STEAP2: variants seen among roughly 807,000 people sequenced by gnomAD.
STEAP2 encodes the protein metalloreductase STEAP2.
In STEAP2, 30 loss-of-function variants were observed where a neutral mutation model predicts 46.4. The observed-to-expected ratio is 0.65, with a 90% CI of 0.48 to 0.88. The LOEUF is 0.88. Among genes scored for constraint, STEAP2 ranks in the 40% least tolerant of loss-of-function variants. The pLI is 0.00. For missense variants in STEAP2, 513 were observed against 579.3 expected (o/e 0.89, Z 1.18); for synonymous variants, 180 against 200.5 (o/e 0.90, Z 0.86).
Position 90,232,079 on chromosome 7 carries a change from AAGT to A in STEAP2, c.1186-253_1186-251del, listed in dbSNP as rs544072300. ...GAAAATGTTCTTGATAAAATAAATG[AAGT>A]AGTAAGAATATTAAACTGTATGCAG... On this transcript the variant is annotated intron_variant, in intron 5 of 5. Coordinates refer to ENST00000394621, the MANE Select transcript of STEAP2 (RefSeq NM_001244944.2). 5.9e-3 allele frequency among the ~76,000 whole-genome samples: 892 copies of A among 152,088 alleles called. 10 individuals carry two copies. The highest frequency in any genetic ancestry group is 0.02 in the African/African-American group (843 of 41,542).
In STEAP2 at chr7:90,235,241, G is replaced by T. The variant is rs1192373639; in HGVS notation, c.*2617G>T. 3 of 983,628 alleles carry T rather than the reference G, an allele frequency of 3.0e-6. No individual in the cohort carries two copies. The Admixed American group carries it at 1.8e-4, about 61-fold the overall frequency. 60.9% of individuals were successfully genotyped at this position (983,628 alleles called of 1,614,324 possible). A position where few individuals can be genotyped will look rare whatever the true frequency, so the allele number is the denominator to read the frequency against. ...GTGAAAATGTATAAAAGATGCATCT[G>T]TTGTTTCAAATGGCACTATCTTCTT... is the stretch of plus-strand genomic sequence containing the variant. On this transcript the variant is annotated 3_prime_UTR_variant, in exon 6 of 6. Coordinates refer to ENST00000394621, the MANE Select transcript of STEAP2 (RefSeq NM_001244944.2).
chr7:90,231,473 A>G (rs1350194417), intron 5 of STEAP2, among the ~76,000 whole-genome samples: 2 of 151,982 alleles, frequency 1.3e-5, no homozygotes, highest in Non-Finnish European at 2.9e-5. Flanking sequence ...AGGCAGTTTT[A>G]TCATGTGAAC....
chr7:90,230,105 T>C (rs1795677458), intron 5 of STEAP2, 69 bp downstream of exon 5: 1 of 1,564,132 alleles, frequency 6.4e-7, no homozygotes, highest in Non-Finnish European at 8.6e-7. Context: ...AACTGCATTT[T>C]AAATATGTTC....
downstream of STEAP2, among the ~76,000 whole-genome samples, chr7:90,238,905 T>C (rs767168590): frequency 6.6e-6 from 1 of 152,212 alleles, no homozygotes; most frequent in Non-Finnish European, 1.5e-5. Flanking sequence ...CAGATTCACA[T>C]TGATCAAATG....
downstream of STEAP2, chr7:90,237,956 A>T: frequency 1.5e-6 from 1 of 645,618 alleles, no homozygotes; most frequent in Non-Finnish European, 2.8e-6. Flanking sequence ...ATCTAGTATA[A>T]TGTGATCTAT....
chr7:90,216,886 G>A (rs1204899832), intron 2 of STEAP2, among the ~76,000 whole-genome samples: 1 of 152,214 alleles, frequency 6.6e-6, no homozygotes, highest in African/African-American at 2.4e-5. Context: ...TTTAAAACTT[G>A]CCAGGTCATT....
chr7:90,235,675 G>A lies in STEAP2; in HGVS notation c.*3051G>A. 1.1e-6 allele frequency: 1 copy of A among 921,580 alleles called. No individual in the cohort carries two copies. The highest frequency in any genetic ancestry group is 1.3e-6 in the Non-Finnish European group (1 of 772,276). 57.1% of individuals were successfully genotyped at this position (921,580 alleles called of 1,614,324 possible). A position where few individuals can be genotyped will look rare whatever the true frequency, so the allele number is the denominator to read the frequency against. ...GGAAAATAACCATGAGCTGTATCAT[G>A]CTACTTAGCTTTTATGTAAATATTT... On this transcript the variant is annotated 3_prime_UTR_variant, in exon 6 of 6. Transcript: ENST00000394621.
chr7:90,234,909 C>T lies in STEAP2; in HGVS notation c.*2285C>T. On this transcript the variant is annotated 3_prime_UTR_variant, in exon 6 of 6. Coordinates refer to ENST00000394621, the MANE Select transcript of STEAP2 (RefSeq NM_001244944.2). ...TTTTCTTTATTTTAATAATATTTCT[C>T]CCCACTTGAGAATCACTTGTTAGTT... The T allele has an allele frequency of 1.0e-6, 1 of 985,008 alleles. No individual in the cohort carries two copies. The allele number at this position is 985,008 out of a possible 1,614,324, so 61.0% of individuals were successfully genotyped here.
In STEAP2 at chr7:90,233,565, T is replaced by C. The variant is rs1257190190; in HGVS notation, c.*941T>C. The C allele has an allele frequency of 1.0e-6, 1 of 970,192 alleles. No individual in the cohort carries two copies. Among genetic ancestry groups the C allele is most frequent in the Non-Finnish European group, 1.2e-6 (1 of 816,136 alleles). The allele number at this position is 970,192 out of a possible 1,614,324, so 60.1% of individuals were successfully genotyped here. A position where few individuals can be genotyped will look rare whatever the true frequency, so the allele number is the denominator to read the frequency against. ...GATTCTGATGTGCTAGGCATGGTTCTAAGTACTTTACTTGTATTATCCCAT... is the reference window on the plus strand; with the variant it reads ...GATTCTGATGTGCTAGGCATGGTTCCAAGTACTTTACTTGTATTATCCCAT... On this transcript the variant is annotated 3_prime_UTR_variant, in exon 6 of 6. Transcript: ENST00000394621.
In STEAP2 at chr7:90,233,434, A is replaced by G; in HGVS notation, c.*810A>G. The G allele has an allele frequency of 1.0e-6, 1 of 985,434 alleles. No homozygotes were observed. Among genetic ancestry groups the G allele is most frequent in the Non-Finnish European group, 1.2e-6 (1 of 829,942 alleles). The allele number at this position is 985,434 out of a possible 1,614,324, so 61.0% of individuals were successfully genotyped here. A position where few individuals can be genotyped will look rare whatever the true frequency, so the allele number is the denominator to read the frequency against. On this transcript the variant is annotated 3_prime_UTR_variant, in exon 6 of 6. Transcript: ENST00000394621. ...AACTGTATACTAGTTCCTACTTAGA[A>G]CAAAAGTATCAAGTTTGCACACAAG...
Position 90,233,218 on chromosome 7 carries a change from A to G in STEAP2, c.*594A>G. 2 of 951,020 alleles carry G rather than the reference A, an allele frequency of 2.1e-6. No homozygotes were observed. The highest frequency in any genetic ancestry group is 2.5e-6 in the Non-Finnish European group (2 of 798,744). 58.9% of individuals were successfully genotyped at this position (951,020 alleles called of 1,614,324 possible). ...GAGACACAAATTAAAAAGACAAATT[A>G]AACCTGAAATTATATTTAAAATATA... On this transcript the variant is annotated 3_prime_UTR_variant, in exon 6 of 6. Coordinates refer to ENST00000394621, the MANE Select transcript of STEAP2 (RefSeq NM_001244944.2).
intron 2 of STEAP2, among the ~76,000 whole-genome samples, chr7:90,222,984 G>A (rs980033855): frequency 3.9e-5 from 6 of 152,090 alleles, no homozygotes; most frequent in Non-Finnish European, 7.4e-5. Flanking sequence ...ACCCAATTTC[G>A]ACACTAATTC....
chr7:90,215,777 T>TTTTGTTTTTG (rs1258304141), intron 1 of STEAP2: 1 of 152,200 alleles, frequency 6.6e-6, no homozygotes, highest in Admixed American at 6.5e-5. Flanking sequence ...CATAGTTGTT[T>TTTTGTTTTTG]TTTGTTTTTG....
downstream of STEAP2, among the ~76,000 whole-genome samples, chr7:90,240,399 ATTCT>A (rs1420112850): frequency 6.6e-6 from 1 of 152,208 alleles, no homozygotes; most frequent in Non-Finnish European, 1.5e-5. This position sits in a 1 kb window ranked among gnomAD's most constrained non-coding sequence, Gnocchi z 4.1. Context: ...TGCTATAAAC[ATTCT>A]TTATTTAAAA....
chr7:90,240,108 C>CA (rs1326421703), downstream of STEAP2, among the ~76,000 whole-genome samples: 4 of 152,072 alleles, frequency 2.6e-5, no homozygotes, highest in East Asian at 7.7e-4. This position sits in a 1 kb window ranked among gnomAD's most constrained non-coding sequence, Gnocchi z 4.1. Flanking sequence ...CCCATCTCTA[C>CA]AAAAAACAAC....
At position 90,235,757 on chromosome 7, in the gene STEAP2, T is replaced by A. The variant is rs1404288575; in HGVS notation, c.*3133T>A. The A allele has an allele frequency of 5.0e-6, 4 of 793,496 alleles. No individual in the cohort carries two copies. In the African/African-American group the frequency reaches 7.5e-5, roughly 15 times the overall value. The allele number at this position is 793,496 out of a possible 1,614,324, so 49.2% of individuals were successfully genotyped here. On this transcript the variant is annotated 3_prime_UTR_variant, in exon 6 of 6. Coordinates refer to ENST00000394621, the MANE Select transcript of STEAP2 (RefSeq NM_001244944.2). ...TCATATTTAAATATGAATCTATTCA[T>A]GCTAACATTATTTTTCAAAACATAC... is the stretch of plus-strand genomic sequence containing the variant.
At chr7:90,225,795 T>C (rs1795465578) in intron 3 of STEAP2, among the ~76,000 whole-genome samples, 1 of 152,154 alleles carries the variant, frequency 6.6e-6, no homozygotes, top group South Asian at 2.1e-4. Context: ...AGTCATCCAG[T>C]TCAACTTGAG....
At chr7:90,219,989 A>C (rs1220922285) in intron 2 of STEAP2, among the ~76,000 whole-genome samples, 1 of 152,178 alleles carries the variant, frequency 6.6e-6, no homozygotes, top group South Asian at 2.1e-4. Context: ...GGCCTCCCAA[A>C]GTGCTGGGAT....
rs1795888582 is a variant in STEAP2 at position 90,234,573 on chromosome 7, C to CA, written c.*1950dup. ...TTTTTTTTTTTTTTTTTTTTAAAGA[C>CA]AGAGTCTTGCTCTGTCACCCAGGCT... On this transcript the variant is annotated 3_prime_UTR_variant, in exon 6 of 6. Transcript: ENST00000394621. The CA allele has an allele frequency of 7.3e-6, 6 of 826,652 alleles. No homozygotes were observed. The Admixed American group carries it at 5.6e-4, about 77-fold the overall frequency. 51.2% of individuals were successfully genotyped at this position (826,652 alleles called of 1,614,324 possible). A position where few individuals can be genotyped will look rare whatever the true frequency, so the allele number is the denominator to read the frequency against.
Sources: allele counts gnomAD v4.1 joint callset (sites outside exome capture counted in the v4.1 genomes callset), GRCh38; gene constraint gnomAD v4.1.1; non-coding constraint Gnocchi (gnomAD v3.1); transcripts MANE v1.5; gene names NCBI Gene and HGNC (gene_info 2026-07-23, HGNC 2026-07-21).